Variants in ST13 observed in about 807,000 individuals in gnomAD.
The protein encoded by ST13 is ST13 Hsp70 interacting protein.
Under a neutral mutation model 56.7 loss-of-function variants are expected in ST13, and 23 were observed. The ratio of observed to expected loss-of-function variants is 0.41; its 90% CI spans 0.29 to 0.57. ST13 has a LOEUF of 0.57. ST13 is among the 20% of genes least tolerant of loss of function. ST13 has a pLI of 0.36. For synonymous variants in ST13, 132 were observed against 142.4 expected, an observed-to-expected ratio of 0.93 and a Z score of 0.52; for missense variants, 369 against 459.9, an observed-to-expected ratio of 0.80 and a Z score of 1.81.
chr22:40,844,869 A>C lies in ST13; in HGVS notation c.285T>G (p.Ala95=). The change falls in exon 4 of 12, where the codon GCT becomes GCG. Residue 95 remains alanine (A), a synonymous_variant. Coordinates refer to ENST00000216218, the MANE Select transcript of ST13 (RefSeq NM_003932.5). ...CATTTTCATCTCCCATTTCTTGAGG[A>C]GCATCAGTGTCTGGTTCAATCACAC... is the stretch of plus-strand genomic sequence containing the variant. ...KEGVIEPDTD[A]PQEMGDENAE... The C allele has an allele frequency of 6.2e-7, 1 of 1,613,622 alleles. No homozygotes were observed. Among genetic ancestry groups the C allele is most frequent in the Non-Finnish European group, 8.5e-7 (1 of 1,179,758 alleles).
At chr22:40,827,708 C>T (rs899532282) in intron 10 of ST13, among the ~76,000 whole-genome samples, 5 of 151,666 alleles carry the variant, frequency 3.3e-5, no homozygotes, top group African/African-American at 1.2e-4. Context: ...ATCAAGTTGG[C>T]CGGGCCGCTC....
At chr22:40,831,937 C>T (rs766467808) in intron 8 of ST13, 18 of 226,648 alleles carry the variant, frequency 7.9e-5, no homozygotes, top group Non-Finnish European at 1.6e-4. Flanking sequence ...CTGCAACCTT[C>T]CACCTCCCAG....
chr22:40,838,725 C>A (rs2145739342), intron 5 of ST13, among the ~76,000 whole-genome samples: 1 of 152,214 alleles, frequency 6.6e-6, no homozygotes, highest in Non-Finnish European at 1.5e-5. Flanking sequence ...CATGCCACTG[C>A]ACTCCAAACT....
chr22:40,847,556 G>GAAAAAAAA (rs1177807946), intron 3 of ST13, among the ~76,000 whole-genome samples: 1 of 83,980 alleles, frequency 1.2e-5, no homozygotes, highest in Non-Finnish European at 2.5e-5. Context: ...CTCAAAAAAA[G>GAAAAAAAA]AAAAAAAAAA....
chr22:40,851,784 C>CA (rs1438210699), intron 1 of ST13, among the ~76,000 whole-genome samples: 2 of 148,632 alleles, frequency 1.3e-5, no homozygotes, highest in East Asian at 3.9e-4. Context: ...CTTGCTCTGT[C>CA]ACCCAGGCTG....
At chr22:40,828,427 AC>A (rs2057738779) in intron 10 of ST13, among the ~76,000 whole-genome samples, 2 of 146,316 alleles carry the variant, frequency 1.4e-5, no homozygotes, top group South Asian at 2.2e-4. Context: ...ACACGGTGAA[AC>A]CCCGTCTCTA....
In ST13 at chr22:40,854,358, A is replaced by G. The variant is rs182645261; in HGVS notation, c.110+2073T>C. Among the ~76,000 whole-genome samples the G allele has an allele frequency of 9.5e-4, 144 of 152,376 alleles. 1 individual carries two copies. The highest frequency in any genetic ancestry group is 3.4e-3 in the African/African-American group (143 of 41,590). On this transcript the variant is annotated intron_variant, in intron 1 of 11. Transcript: ENST00000216218. ...ATATTAAATATCTCAATTTAAGTTCAGAATAAAGTCCCTACATATGCCATG... is the reference window on the plus strand; with the variant it reads ...ATATTAAATATCTCAATTTAAGTTCGGAATAAAGTCCCTACATATGCCATG...
At chr22:40,855,133 A>G (rs2057882978) in intron 1 of ST13, among the ~76,000 whole-genome samples, 1 of 152,176 alleles carries the variant, frequency 6.6e-6, no homozygotes, top group Admixed American at 6.5e-5. Flanking sequence ...TCTTTGAGCT[A>G]TTTGGTAATC....
At chr22:40,835,212 A>G (rs1041698118) in intron 7 of ST13, among the ~76,000 whole-genome samples, 1 of 152,228 alleles carries the variant, frequency 6.6e-6, no homozygotes, top group Admixed American at 6.5e-5. Flanking sequence ...GACACTGATA[A>G]AAGATCATTC....
chr22:40,835,499 A>T, intron 7 of ST13, 61 bp downstream of exon 7: 1 of 1,410,888 alleles, frequency 7.1e-7, no homozygotes, highest in Non-Finnish European at 9.9e-7. Flanking sequence ...TAAACAAAGC[A>T]TCTTAAAACA....
intron 5 of ST13, 78 bp from the exon 6 acceptor site, chr22:40,835,965 TAA>T (rs1300680766): frequency 1.5e-5 from 16 of 1,098,818 alleles, no homozygotes; most frequent in South Asian, 1.5e-4. Flanking sequence ...GTTATCCAGT[TAA>T]GTCTTTTACA....
At position 40,827,219 on chromosome 22, in the gene ST13, A is replaced by T. The variant is rs1488298458; in HGVS notation, c.858T>A (p.Pro286=). The change falls in exon 11 of 12, where the codon CCT becomes CCA. Residue 286 remains proline (P), a synonymous_variant. Coordinates refer to ENST00000216218, the MANE Select transcript of ST13 (RefSeq NM_003932.5). ...CGGGAAAATTACCAGGCATTCCCCCAGGAAAGCCACCTGTAATAAAAAATG... is the reference window on the plus strand; with the variant it reads ...CGGGAAAATTACCAGGCATTCCCCCTGGAAAGCCACCTGTAATAAAAAATG... ...AQYGSFPGGF[P]GGMPGNFPGG... 6.2e-7 allele frequency: 1 copy of T among 1,613,646 alleles called. No homozygotes were observed. The highest frequency in any genetic ancestry group is 8.5e-7 in the Non-Finnish European group (1 of 1,179,914).
At chr22:40,842,600 T>C (rs924115343) in intron 4 of ST13, among the ~76,000 whole-genome samples, 10 of 152,136 alleles carry the variant, frequency 6.6e-5, no homozygotes, top group African/African-American at 1.2e-4. Context: ...AAGTCTAACA[T>C]TACCAGGGAT....
chr22:40,845,189 T>C (rs959513710), intron 3 of ST13, among the ~76,000 whole-genome samples: 4 of 152,228 alleles, frequency 2.6e-5, no homozygotes, highest in African/African-American at 9.6e-5. Flanking sequence ...ATTTAGTCAT[T>C]GTATATAAAT....
intron 5 of ST13, among the ~76,000 whole-genome samples, chr22:40,836,319 C>A (rs559407470): frequency 6.6e-6 from 1 of 152,156 alleles, no homozygotes; most frequent in Admixed American, 6.5e-5. Context: ...GGCGTGGGGG[C>A]GGAGCCCTGT....
rs1451253929 is a variant in ST13 at position 40,830,745 on chromosome 22, TAAATA to T, written c.798+90_798+94del. On this transcript the variant is annotated intron_variant, in intron 9 of 11. Coordinates refer to ENST00000216218, the MANE Select transcript of ST13 (RefSeq NM_003932.5). ...TACTCTATAGAACTGTAGCCAGCAT[TAAATA>T]AAAGAGCCAGGAATTAAAATTTTAG... is the stretch of plus-strand genomic sequence containing the variant. The T allele has an allele frequency of 1.6e-5, 11 of 704,554 alleles. 1 individual carries two copies. The highest frequency in any genetic ancestry group is 2.2e-5 in the Non-Finnish European group (9 of 415,878). 43.6% of individuals were successfully genotyped at this position (704,554 alleles called of 1,614,324 possible).
intron 3 of ST13, 62 bp downstream of exon 3, chr22:40,848,232 T>TA (rs2057842458): frequency 8.1e-7 from 1 of 1,238,410 alleles, no homozygotes; most frequent in Non-Finnish European, 1.2e-6. Context: ...GTCACTTTAA[T>TA]AAAAATCAAC....
At chr22:40,829,701 A>G (rs2057745199) in intron 9 of ST13, 27 bp from the exon 10 acceptor site, 5 of 1,355,282 alleles carry the variant, frequency 3.7e-6, no homozygotes, top group South Asian at 1.7e-5. Flanking sequence ...AATAAATTAT[A>G]TAATAGAAGA....
intron 4 of ST13, among the ~76,000 whole-genome samples, chr22:40,843,668 GAAGA>G (rs893911721): frequency 1.1e-4 from 16 of 152,244 alleles, no homozygotes; most frequent in Admixed American, 3.3e-4. Context: ...GAAACAACAT[GAAGA>G]AAGATGAGTG....
Sources: allele counts gnomAD v4.1 joint callset (sites outside exome capture counted in the v4.1 genomes callset), GRCh38; gene constraint gnomAD v4.1.1; transcripts MANE v1.5; gene names NCBI Gene and HGNC (gene_info 2026-07-23, HGNC 2026-07-21).